MCM8: variants seen among roughly 807,000 people sequenced by gnomAD.
The protein encoded by MCM8 is DNA helicase MCM8.
Under a neutral mutation model 98.9 loss-of-function variants are expected in MCM8, and 85 were observed. The observed-to-expected ratio is 0.86, with a 90% CI of 0.72 to 1.03. The LOEUF is 1.03. Among genes scored for constraint, MCM8 ranks in the 50% least tolerant of loss-of-function variants. The probability of loss-of-function intolerance (pLI) is 0.00; values close to 1 mark genes in which losing one functional copy is unlikely to be tolerated. For missense variants in MCM8, 951 were observed against 997.8 expected, an observed-to-expected ratio of 0.95 and a Z score of 0.63; for synonymous variants, 352 against 338.6, an observed-to-expected ratio of 1.04 and a Z score of -0.44.
intron 2 of MCM8, 126 bp from the exon 3 acceptor site, chr20:5,952,298 T>G (rs2088852019): frequency 6.4e-7 from 1 of 1,554,412 alleles, no homozygotes; most frequent in Admixed American, 1.9e-5. Flanking sequence ...TGAACATTGA[T>G]GTCCCAGATT....
At chr20:5,955,712 T>C (rs1300128506) in intron 5 of MCM8, among the ~76,000 whole-genome samples, 1 of 152,210 alleles carries the variant, frequency 6.6e-6, no homozygotes, top group Non-Finnish European at 1.5e-5. Context: ...TTGCCTGAGT[T>C]TTTTTTCAGG....
chr20:5,952,586 G>T, intron 3 of MCM8, 58 bp downstream of exon 3: 2 of 1,366,432 alleles, frequency 1.5e-6, no homozygotes, highest in South Asian at 2.4e-5. Flanking sequence ...ACTTGTCTTT[G>T]GATGCTACAT....
At chr20:5,965,093 A>C (rs1458403893) in intron 8 of MCM8, 1 of 152,182 alleles carries the variant, frequency 6.6e-6, no homozygotes, top group Non-Finnish European at 1.5e-5. Context: ...TTGTCTTCTA[A>C]TTATAATTGT....
At chr20:5,961,275 A>C (rs184335044) in intron 7 of MCM8, among the ~76,000 whole-genome samples, 1 of 152,328 alleles carries the variant, frequency 6.6e-6, no homozygotes, top group East Asian at 1.9e-4. Flanking sequence ...ACCATTTATT[A>C]ATTAAGCCCT....
In MCM8 at chr20:5,997,854, C is replaced by G. The variant is rs1291723544; in HGVS notation, c.*3463C>G. ...AGGGCTTCCTGAGTAGCTGAGACTACAGGTGTGAGCCACCATGCCCAGCCT... is the reference window on the plus strand; with the variant it reads ...AGGGCTTCCTGAGTAGCTGAGACTAGAGGTGTGAGCCACCATGCCCAGCCT... On this transcript the variant is annotated 3_prime_UTR_variant, in exon 19 of 19. Coordinates refer to ENST00000610722, the MANE Select transcript of MCM8 (RefSeq NM_032485.6). 6.6e-6 allele frequency: 1 copy of G among 152,360 alleles called. No homozygotes were observed. The highest frequency in any genetic ancestry group is 2.1e-4 in the South Asian group (1 of 4,830). 9.4% of individuals were successfully genotyped at this position (152,360 alleles called of 1,614,324 possible). A position where few individuals can be genotyped will look rare whatever the true frequency, so the allele number is the denominator to read the frequency against.
intron 16 of MCM8, 114 bp from the exon 17 acceptor site, chr20:5,987,168 T>C: frequency 1.0e-6 from 1 of 1,000,240 alleles, no homozygotes; most frequent in Non-Finnish European, 1.5e-6. Flanking sequence ...TGTTATAACC[T>C]TCCTCGCCTA....
intron 12 of MCM8, among the ~76,000 whole-genome samples, chr20:5,977,637 T>G (rs2089539904): frequency 6.6e-6 from 1 of 152,256 alleles, no homozygotes; most frequent in African/African-American, 2.4e-5. Flanking sequence ...TGGGTTTGAT[T>G]GAATCCTGAC....
At chr20:5,954,788 C>T in intron 4 of MCM8, 98 bp downstream of exon 4, 1 of 741,376 alleles carries the variant, frequency 1.3e-6, no homozygotes, top group Non-Finnish European at 2.3e-6. Context: ...AGTCAGACTT[C>T]CTTGGTTCAG....
chr20:5,971,375 A>G (rs766958114), intron 10 of MCM8, among the ~76,000 whole-genome samples: 13 of 152,180 alleles, frequency 8.5e-5, no homozygotes, highest in African/African-American at 2.2e-4. Context: ...TTGCATCCCA[A>G]ACATTCCTTT....
At chr20:5,963,486 A>T in intron 8 of MCM8, 127 bp downstream of exon 8, 4 of 481,516 alleles carry the variant, frequency 8.3e-6, no homozygotes, top group East Asian at 3.8e-5. Context: ...TGTATAATAG[A>T]TGGTTTATTT....
intron 12 of MCM8, among the ~76,000 whole-genome samples, chr20:5,973,634 C>T (rs2089450030): frequency 6.6e-6 from 1 of 152,078 alleles, no homozygotes; most frequent in South Asian, 2.1e-4. Context: ...TATATATCTC[C>T]ACTGCTTGTG....
chr20:5,951,932 C>G, intron 1 of MCM8, 79 bp from the exon 2 acceptor site: 1 of 1,454,104 alleles, frequency 6.9e-7, no homozygotes, highest in Non-Finnish European at 9.2e-7. Context: ...ATTAATTTTT[C>G]CCTTTTTATT....
chr20:5,980,802 A>T (rs953690834), intron 13 of MCM8, among the ~76,000 whole-genome samples: 3 of 150,168 alleles, frequency 2.0e-5, no homozygotes, highest in African/African-American at 7.3e-5. Flanking sequence ...AACCAAGGAG[A>T]TGGAGGTTGT....
intron 11 of MCM8, 80 bp downstream of exon 11, chr20:5,972,117 C>G (rs1197532192): frequency 9.2e-7 from 1 of 1,089,084 alleles, no homozygotes; most frequent in African/African-American, 1.6e-5. Flanking sequence ...CAGAAAGTAG[C>G]AAATTTCTAT....
At chr20:5,983,735 A>G (rs542483090) in intron 14 of MCM8, among the ~76,000 whole-genome samples, 81 of 152,226 alleles carry the variant, frequency 5.3e-4, no homozygotes, top group African/African-American at 1.7e-3. Context: ...TCTCACATAC[A>G]CAATTTATTA....
Position 5,974,112 on chromosome 20 carries a change from G to A in MCM8, c.1395+916G>A, listed in dbSNP as rs770341588. ...TTGTAGTTTCCTTAAAGTGACAACC[G>A]GTAAGCCAGCCGTAATGTGCTTTCT... On this transcript the variant is annotated intron_variant, in intron 12 of 18. Transcript: ENST00000610722. 1.4e-4 allele frequency among the ~76,000 whole-genome samples: 22 copies of A among 152,238 alleles called. No individual in the cohort carries two copies. The East Asian group carries it at 1.5e-3, about 11-fold the overall frequency.
chr20:5,974,977 A>C (rs2089478080), intron 12 of MCM8, among the ~76,000 whole-genome samples: 1 of 152,166 alleles, frequency 6.6e-6, no homozygotes, highest in Non-Finnish European at 1.5e-5. Context: ...ATGAACAGGA[A>C]TCTGGGTGCA....
chr20:5,975,319 A>T (rs2089486153), intron 12 of MCM8, among the ~76,000 whole-genome samples: 2 of 151,116 alleles, frequency 1.3e-5, no homozygotes, highest in Admixed American at 6.6e-5. Context: ...GCAAGTGGGG[A>T]TCTGAATTGT....
At position 5,958,637 on chromosome 20, in the gene MCM8, C is replaced by T. The variant is rs1568571691; in HGVS notation, c.700C>T (p.Leu234Phe). 3.1e-6 allele frequency: 5 copies of T among 1,614,122 alleles called. No individual in the cohort carries two copies. ...GGTTCGTGTCAGTAATATAAAGCCT[C>T]TTTGCACCAAGATGGCTTTTCTTTG... Reference protein sequence around the residue: ...TVVRVSNIKPLCTKMAFLCAA... With the variant: ...TVVRVSNIKPFCTKMAFLCAA... Residue 234 changes from leucine (L) to phenylalanine (F), a missense_variant, in exon 7 of 19, where the codon CTT becomes TTT. Physicochemically the swap from Leu to Phe is conservative, Grantham distance 22 (BLOSUM62 0). Transcript: ENST00000610722.
Sources: allele counts gnomAD v4.1 joint callset (sites outside exome capture counted in the v4.1 genomes callset), GRCh38; gene constraint gnomAD v4.1.1; transcripts MANE v1.5; gene names NCBI Gene and HGNC (gene_info 2026-07-23, HGNC 2026-07-21).